MUSK: variants seen among roughly 807,000 people sequenced by gnomAD.
The protein encoded by MUSK is muscle associated receptor tyrosine kinase.
MUSK carries 55 observed loss-of-function variants against 88.7 expected under a neutral mutation model. The ratio of observed to expected loss-of-function variants is 0.62; its 90% CI spans 0.50 to 0.78. The LOEUF (loss-of-function observed/expected upper bound fraction) is 0.78, where lower values mean the gene tolerates loss of function less well. Ranked by LOEUF, MUSK falls within the 30% of genes least tolerant of loss-of-function variation. The probability of loss-of-function intolerance (pLI) is 0.00; values close to 1 mark genes in which losing one functional copy is unlikely to be tolerated. For synonymous variants in MUSK, 387 were observed against 391.9 expected, an observed-to-expected ratio of 0.99 and a Z score of 0.15; for missense variants, 1,015 against 1,074.3, an observed-to-expected ratio of 0.94 and a Z score of 0.77.
intron 5 of MUSK, chr9:110,728,321 G>T (rs539817261): frequency 1.7e-4 from 37 of 212,038 alleles, no homozygotes; most frequent in Non-Finnish European, 2.8e-4. Context: ...AAGCTACAAG[G>T]GGGGAACGCA....
Position 110,785,429 on chromosome 9 carries a change from A to G in MUSK, c.1587-98A>G, listed in dbSNP as rs187471177. Reference sequence around the variant, plus strand: ...GGCTGCCTTAGTATAACTTGTTTTCATTACTCTTAAATGCCATATTTCTTA... The same window carrying G: ...GGCTGCCTTAGTATAACTTGTTTTCGTTACTCTTAAATGCCATATTTCTTA... On this transcript the variant is annotated intron_variant, in intron 12 of 14. Transcript: ENST00000374448. The G allele has an allele frequency of 1.5e-3, 1,564 of 1,077,960 alleles. 2 individuals carry two copies. The highest frequency in any genetic ancestry group is 1.9e-3 in the Non-Finnish European group (1,442 of 764,574). 66.8% of individuals were successfully genotyped at this position (1,077,960 alleles called of 1,614,324 possible).
intron 11 of MUSK, 106 bp from the exon 12 acceptor site, chr9:110,784,709 C>A (rs754645827): frequency 4.0e-5 from 33 of 822,360 alleles, no homozygotes; most frequent in Non-Finnish European, 6.1e-5. Context: ...GAACCTGATA[C>A]ATAAATATAT....
intron 1 of MUSK, among the ~76,000 whole-genome samples, chr9:110,673,262 G>A (rs753898383): frequency 9.2e-5 from 14 of 152,156 alleles, no homozygotes; most frequent in South Asian, 2.1e-4. Context: ...ATGTCTTAGA[G>A]AAAGGAAGTA....
At position 110,669,336 on chromosome 9, in the gene MUSK, G is replaced by A. The variant is rs546854120; in HGVS notation, c.79+353G>A. ...CTAAGTGGATGATGACAACCTTTTC[G>A]CATCAGGTTTGCCAGGAATAGAATC... On this transcript the variant is annotated intron_variant, in intron 1 of 14. Transcript: ENST00000374448. 3.9e-5 allele frequency among the ~76,000 whole-genome samples: 6 copies of A among 152,200 alleles called. No homozygotes were observed. In the South Asian group the frequency reaches 6.2e-4, roughly 16 times the overall value.
At chr9:110,692,840 T>G (rs1251276906) in intron 3 of MUSK, among the ~76,000 whole-genome samples, 1 of 117,614 alleles carries the variant, frequency 8.5e-6, no homozygotes, top group African/African-American at 3.9e-5. Flanking sequence ...CTGCATTACT[T>G]TTATTTCCTT....
rs2078070612 is a variant in MUSK, at chr9:110,800,248, T to C, written c.1928-58T>C. On this transcript the variant is annotated intron_variant, in intron 14 of 14. Coordinates refer to ENST00000374448, the MANE Select transcript of MUSK (RefSeq NM_005592.4). The stretch of plus-strand genomic sequence containing the variant: ...ACATGGTCGTTTGCTTTTGGAGTGC[T>C]CTTTCCATTGTTTCATTGTAGAAAC... 3.2e-5 allele frequency: 48 copies of C among 1,477,602 alleles called. No individual in the cohort carries two copies. The South Asian group carries it at 5.5e-4, about 17-fold the overall frequency. The allele number at this position is 1,477,602 out of a possible 1,614,324, so 91.5% of individuals were successfully genotyped here.
In MUSK at chr9:110,787,796, C is replaced by T. The variant is rs34267283; in HGVS notation, c.1885C>T (p.Leu629Phe). Residue 629 changes from leucine to phenylalanine, a missense_variant, in exon 14 of 15, where the codon CTC becomes TTC. Physicochemically the swap from Leu to Phe is conservative, Grantham distance 22. Coordinates refer to ENST00000374448, the MANE Select transcript of MUSK (RefSeq NM_005592.4). ...AGCGGACTTTCAGAGGGAGGCAGCC[C>T]TCATGGCAGAATTTGACAACCCTAA... ...MQADFQREAA[L>F]MAEFDNPNIV... The T allele has an allele frequency of 6.2e-5, 100 of 1,613,510 alleles. 2 individuals carry two copies. The East Asian group carries it at 2.0e-3, about 33-fold the overall frequency.
At chr9:110,771,896 C>A (rs2077580584) in intron 9 of MUSK, among the ~76,000 whole-genome samples, 1 of 152,076 alleles carries the variant, frequency 6.6e-6, no homozygotes. Context: ...GGAATCAAGT[C>A]TCATCAATCA....
chr9:110,696,430 T>C (rs1172830507), intron 4 of MUSK, among the ~76,000 whole-genome samples: 1 of 152,236 alleles, frequency 6.6e-6, no homozygotes, highest in East Asian at 1.9e-4. Context: ...CATTTAACAA[T>C]GCATAGTATA....
chr9:110,706,085 G>A (rs1470518996), intron 5 of MUSK: 1 of 530,382 alleles, frequency 1.9e-6, no homozygotes, highest in Non-Finnish European at 3.9e-6. Context: ...GGTGCTAAAG[G>A]CATTCACACC....
intron 5 of MUSK, among the ~76,000 whole-genome samples, chr9:110,718,401 C>G (rs1221587651): frequency 6.6e-6 from 1 of 151,906 alleles, no homozygotes; most frequent in Non-Finnish European, 1.5e-5. Flanking sequence ...AATTTGTGGA[C>G]AGGTTTTAAA....
intron 1 of MUSK, among the ~76,000 whole-genome samples, chr9:110,679,719 TATTTA>T (rs1334163244): frequency 6.6e-6 from 1 of 152,060 alleles, no homozygotes; most frequent in African/African-American, 2.4e-5. Context: ...TTTTGAATTT[TATTTA>T]TTTTTTAGTA....
intron 6 of MUSK, among the ~76,000 whole-genome samples, chr9:110,741,646 C>T (rs767454989): frequency 4.6e-5 from 7 of 152,146 alleles, no homozygotes; most frequent in Non-Finnish European, 7.4e-5. Context: ...CTATTGTTTT[C>T]GCTGAAGTCT....
At chr9:110,789,339 A>G (rs2132039465) in intron 14 of MUSK, among the ~76,000 whole-genome samples, 1 of 152,364 alleles carries the variant, frequency 6.6e-6, no homozygotes, top group Admixed American at 6.5e-5. Context: ...CAGACCAAAT[A>G]TGAGATGTGC....
At chr9:110,760,960 A>C (rs1385296709) in intron 7 of MUSK, among the ~76,000 whole-genome samples, 1 of 152,174 alleles carries the variant, frequency 6.6e-6, no homozygotes. Flanking sequence ...AAACCTTCAA[A>C]ACGGAGTTAG....
At position 110,785,646 on chromosome 9, in the gene MUSK, A is replaced by T. The variant is rs2077843836; in HGVS notation, c.1706A>T (p.Glu569Val). The T allele has an allele frequency of 3.1e-6, 5 of 1,613,382 alleles. No homozygotes were observed. The highest frequency in any genetic ancestry group is 4.2e-6 in the Non-Finnish European group (5 of 1,179,576). The change falls in exon 13 of 15, where the codon GAG becomes GTG. Residue 569 changes from glutamate to valine, a missense_variant. Transcript: ENST00000374448. ...CTGAACCCCAAATTGCTCAGCCTGG[A>T]GTATCCAAGGAATAACATTGAATAT... ...LLLNPKLLSL[E>V]YPRNNIEYVR...
intron 5 of MUSK, among the ~76,000 whole-genome samples, chr9:110,716,916 T>C (rs573687406): frequency 6.7e-6 from 1 of 150,152 alleles, no homozygotes; most frequent in South Asian, 2.1e-4. Context: ...AGCATAATTC[T>C]GTATTGTTTG....
At chr9:110,697,202 AT>A (rs2076441858) in intron 4 of MUSK, 122 bp from the exon 5 acceptor site, 1 of 1,044,850 alleles carries the variant, frequency 9.6e-7, no homozygotes, top group African/African-American at 1.6e-5. Context: ...TAAGTGGCCA[AT>A]AAAGGTCAAA....
chr9:110,787,913 G>A, intron 14 of MUSK, 75 bp downstream of exon 14: 1 of 1,509,426 alleles, frequency 6.6e-7, no homozygotes, highest in Non-Finnish European at 9.0e-7. Context: ...CCTTGTTCGT[G>A]CTTTTTCCTT....
Sources: gnomAD v4.1 joint callset for allele counts (sites outside exome capture counted in the v4.1 genomes callset) on GRCh38, gnomAD v4.1.1 for gene constraint, MANE v1.5 for transcripts, NCBI Gene and HGNC (gene_info 2026-07-23, HGNC 2026-07-21) for gene names.